NSUN2: variants seen among roughly 807,000 people sequenced by gnomAD.
The protein encoded by NSUN2 is RNA cytosine C(5)-methyltransferase NSUN2.
NSUN2 carries 63 observed loss-of-function variants against 92.7 expected under a neutral mutation model. The ratio of observed to expected loss-of-function variants is 0.68; its 90% CI spans 0.56 to 0.84. NSUN2 has a LOEUF of 0.84. NSUN2 is among the 40% of genes least tolerant of loss of function. The pLI, the probability that NSUN2 is intolerant of heterozygous loss-of-function variation, is 0.00. For missense variants in NSUN2, 989 were observed against 964.9 expected, an observed-to-expected ratio of 1.02 and a Z score of -0.33; for synonymous variants, 356 against 348.3, an observed-to-expected ratio of 1.02 and a Z score of -0.25.
rs770387626 is a variant in NSUN2 at position 6,618,030 on chromosome 5, A to T, written c.816-6T>A. The stretch of plus-strand genomic sequence containing the variant: ...TTCTCATAGTGCCGTCTCCACTGGA[A>T]AAAAGATATTTATGAGTGCAAAGCT... On this transcript the variant is annotated splice_polypyrimidine_tract_variant and splice_region_variant and intron_variant, in intron 7 of 18. Coordinates refer to ENST00000264670, the MANE Select transcript of NSUN2 (RefSeq NM_017755.6). 1 of 1,611,344 alleles carries T rather than the reference A, an allele frequency of 6.2e-7. No homozygotes were observed. Among genetic ancestry groups the T allele is most frequent in the Non-Finnish European group, 8.5e-7 (1 of 1,177,732 alleles).
chr5:6,616,755 G>C lies in NSUN2; in HGVS notation c.993C>G (p.Val331=). ...CSLNPIEDEA[V]IASLLEKSEG... ...CACTTTTTTCCAGTAAAGATGCTATGACTGCTTCATCCTCAATAGGGTTTA... is the reference window on the plus strand; with the variant it reads ...CACTTTTTTCCAGTAAAGATGCTATCACTGCTTCATCCTCAATAGGGTTTA... Residue 331 remains valine (V), a synonymous_variant, in exon 9 of 19, where the codon GTC becomes GTG. Coordinates refer to ENST00000264670, the MANE Select transcript of NSUN2 (RefSeq NM_017755.6). The C allele has an allele frequency of 1.3e-6, 2 of 1,498,542 alleles. No homozygotes were observed. The highest frequency in any genetic ancestry group is 1.8e-6 in the Non-Finnish European group (2 of 1,123,848). The allele number at this position is 1,498,542 out of a possible 1,614,324, so 92.8% of individuals were successfully genotyped here. A position where few individuals can be genotyped will look rare whatever the true frequency, so the allele number is the denominator to read the frequency against.
chr5:6,616,478 G>A (rs1230349824), intron 9 of NSUN2, among the ~76,000 whole-genome samples: 3 of 152,152 alleles, frequency 2.0e-5, no homozygotes, highest in South Asian at 2.1e-4. Context: ...AAAATAGAAC[G>A]GTGGTGTGAG....
chr5:6,611,722 T>A lies in NSUN2; in HGVS notation c.1095+3A>T. ...AGAATGAAAGTTCTCGAGGAAAGGT[T>A]ACCTTCCACTGTGTGATTCCAGGCA... On this transcript the variant is annotated splice_donor_region_variant and intron_variant, in intron 10 of 18. Coordinates refer to ENST00000264670, the MANE Select transcript of NSUN2 (RefSeq NM_017755.6). 1 of 1,613,864 alleles carries A rather than the reference T, an allele frequency of 6.2e-7. No homozygotes were observed. Among genetic ancestry groups the A allele is most frequent in the Non-Finnish European group, 8.5e-7 (1 of 1,179,752 alleles).
chr5:6,623,318 GGA>G, intron 4 of NSUN2, 33 bp from the exon 5 acceptor site: 1 of 1,385,844 alleles, frequency 7.2e-7, no homozygotes, highest in African/African-American at 2.9e-5. Context: ...GCAACAATTA[GGA>G]AAAAAAAAAA....
chr5:6,620,277 T>A lies in NSUN2; in HGVS notation c.644A>T (p.Asp215Val). 6.3e-7 allele frequency: 1 copy of A among 1,594,818 alleles called. No homozygotes were observed. The highest frequency in any genetic ancestry group is 8.5e-7 in the Non-Finnish European group (1 of 1,171,878). ...PFPEGFVIAN[D>V]VDNKRCYLLV... ...CAGGTAGCAGCGCTTGTTGTCCACA[T>A]CATTCGCAATAACAAATCCCTCTGA... Residue 215 changes from aspartate (D) to valine (V), a missense_variant, in exon 7 of 19, where the codon GAT becomes GTT. Physicochemically the swap from Asp to Val is radical, Grantham distance 152. Around this residue, in one of 3 missense-constraint regions of NSUN2, gnomAD observed 356 missense variants for 338.6 expected, o/e 1.05. Coordinates refer to ENST00000264670, the MANE Select transcript of NSUN2 (RefSeq NM_017755.6).
In NSUN2 at chr5:6,616,851, C is replaced by T. The variant is rs1425775622; in HGVS notation, c.897G>A (p.Gln299=). Residue 299 remains glutamine, a synonymous_variant, in exon 9 of 19, where the codon CAG becomes CAA. Transcript: ENST00000264670. ...TLNSLQLHGL[Q]LRIATRGAEQ... Reference sequence around the variant, plus strand: ...CAGCCCCGCGTGTTGCAATCCGCAGCTGTAAGCTAAGGGGAGATATCAGAT... The same window carrying T: ...CAGCCCCGCGTGTTGCAATCCGCAGTTGTAAGCTAAGGGGAGATATCAGAT... The T allele has an allele frequency of 1.2e-6, 2 of 1,612,994 alleles. No homozygotes were observed. The highest frequency in any genetic ancestry group is 1.7e-6 in the Non-Finnish European group (2 of 1,179,396).
chr5:6,601,761 C>T (rs936206163), intron 18 of NSUN2, among the ~76,000 whole-genome samples: 9 of 152,166 alleles, frequency 5.9e-5, no homozygotes, highest in African/African-American at 2.2e-4. Context: ...TTCACTCCCC[C>T]AAATCCCAGT....
intron 7 of NSUN2, among the ~76,000 whole-genome samples, chr5:6,618,557 A>G (rs1335494979): frequency 6.6e-6 from 1 of 152,214 alleles, no homozygotes; most frequent in Non-Finnish European, 1.5e-5. Context: ...TGAAAAACTC[A>G]GTTAATCAAC....
intron 9 of NSUN2, among the ~76,000 whole-genome samples, chr5:6,614,669 G>A (rs1560978112): frequency 6.6e-6 from 1 of 152,166 alleles, no homozygotes; most frequent in South Asian, 2.1e-4. Context: ...AAATGGGTGA[G>A]GGTGGCAGAA....
chr5:6,632,983 C>T lies in NSUN2; in HGVS notation c.-4G>A, dbSNP rs1405182175. 1.4e-6 allele frequency: 2 copies of T among 1,457,492 alleles called. No individual in the cohort carries two copies. Among genetic ancestry groups the T allele is most frequent in the Admixed American group, 2.7e-5 (1 of 37,576 alleles). The allele number at this position is 1,457,492 out of a possible 1,614,324, so 90.3% of individuals were successfully genotyped here. On this transcript the variant is annotated 5_prime_UTR_variant, in exon 1 of 19. Transcript: ENST00000264670. Reference sequence around the variant, plus strand: ...GACCCCGCGACCGCCGCCCCATAGCCCACGCGGCCGCGCACGCAGCACGCA... The same window carrying T: ...GACCCCGCGACCGCCGCCCCATAGCTCACGCGGCCGCGCACGCAGCACGCA...
chr5:6,611,127 C>T (rs1736973090), intron 10 of NSUN2, 42 bp from the exon 11 acceptor site: 1 of 1,606,746 alleles, frequency 6.2e-7, no homozygotes, highest in South Asian at 1.1e-5. Flanking sequence ...TAGCACTATC[C>T]AATACCAACA....
chr5:6,619,356 T>C (rs1046101250), intron 7 of NSUN2, among the ~76,000 whole-genome samples: 2 of 152,238 alleles, frequency 1.3e-5, no homozygotes, highest in African/African-American at 4.8e-5. Flanking sequence ...GTATCGTATC[T>C]AAAGCTTGCA....
chr5:6,605,205 T>C lies in NSUN2; in HGVS notation c.1737+68A>G, dbSNP rs1736715817. The C allele has an allele frequency of 5.0e-6, 8 of 1,589,462 alleles. No homozygotes were observed. The East Asian group carries it at 1.3e-4, about 27-fold the overall frequency. Reference sequence around the variant, plus strand: ...ATGTCACGGTCTGCTCCAAATGAAATCTAAGCCGCTGTGAAAAGCCACACG... The same window carrying C: ...ATGTCACGGTCTGCTCCAAATGAAACCTAAGCCGCTGTGAAAAGCCACACG... On this transcript the variant is annotated intron_variant, in intron 15 of 18. Transcript: ENST00000264670.
chr5:6,616,825 T>C lies in NSUN2; in HGVS notation c.923A>G (p.Glu308Gly). The C allele has an allele frequency of 6.2e-7, 1 of 1,614,080 alleles. No individual in the cohort carries two copies. The highest frequency in any genetic ancestry group is 8.5e-7 in the Non-Finnish European group (1 of 1,179,976). Reference protein sequence around the residue: ...LQLRIATRGAEQLAEGGRMVY... With the variant: ...LQLRIATRGAGQLAEGGRMVY... ...CATCCTTCCACCTTCAGCCAGCTGT[T>C]CAGCCCCGCGTGTTGCAATCCGCAG... The change falls in exon 9 of 19, where the codon GAA (glutamate) becomes GGA (glycine). Residue 308 changes from glutamate (E) to glycine (G), a missense_variant. Glu to Gly is a moderately conservative substitution (Grantham distance 98). Coordinates refer to ENST00000264670, the MANE Select transcript of NSUN2 (RefSeq NM_017755.6).
In NSUN2 at chr5:6,599,897, G is replaced by A. The variant is rs1339313411; in HGVS notation, c.*29C>T. On this transcript the variant is annotated 3_prime_UTR_variant, in exon 19 of 19. Coordinates refer to ENST00000264670, the MANE Select transcript of NSUN2 (RefSeq NM_017755.6). ...GAAGAAGCCAGTTTTGCGTGTGAGG[G>A]GTGTGGGCCCCCGCTGCCTTGGGCC... 3.8e-6 allele frequency: 6 copies of A among 1,599,190 alleles called. No homozygotes were observed. In the East Asian group the frequency reaches 1.3e-4, roughly 36 times the overall value.
chr5:6,622,237 A>G (rs1737476641), intron 5 of NSUN2, 137 bp from the exon 6 acceptor site: 2 of 664,512 alleles, frequency 3.0e-6, no homozygotes, highest in East Asian at 5.6e-5. Flanking sequence ...GCATGACATA[A>G]TTTACTTTTA....
At chr5:6,626,805 C>G (rs1237742859) in intron 3 of NSUN2, among the ~76,000 whole-genome samples, 1 of 152,214 alleles carries the variant, frequency 6.6e-6, no homozygotes, top group African/African-American at 2.4e-5. Context: ...GCAATTCTCA[C>G]TAAACCTGAG....
At chr5:6,615,710 G>C (rs1006051418) in intron 9 of NSUN2, among the ~76,000 whole-genome samples, 2 of 152,206 alleles carry the variant, frequency 1.3e-5, no homozygotes, top group African/African-American at 4.8e-5. Flanking sequence ...GCACTGCCCA[G>C]GAAAGGCCTC....
chr5:6,610,903 G>A lies in NSUN2; in HGVS notation c.1226+52C>T, dbSNP rs1736958365. 8.7e-6 allele frequency: 14 copies of A among 1,604,676 alleles called. No individual in the cohort carries two copies. In the South Asian group the frequency reaches 1.4e-4, roughly 17 times the overall value. ...CAACAAGACTCACCAGCTCACCAGG[G>A]ATGGGGCTTAACCTTCCCCCCTCCC... On this transcript the variant is annotated intron_variant, in intron 11 of 18. Transcript: ENST00000264670.
Sources: gnomAD v4.1 joint callset for allele counts (sites outside exome capture counted in the v4.1 genomes callset) on GRCh38, gnomAD v4.1.1 for gene constraint, gnomAD v4.1.1 regional missense constraint, MANE v1.5 for transcripts, NCBI Gene and HGNC (gene_info 2026-07-23, HGNC 2026-07-21) for gene names.